Variants in SGPP2 observed in about 807,000 individuals in gnomAD.
The protein encoded by SGPP2 is sphingosine-1-phosphate phosphatase 2, also known as sphingosine 1-phosphate phosphohydrolase 2.
Under a neutral mutation model 33.9 loss-of-function variants are expected in SGPP2, and 30 were observed. That is an observed-to-expected ratio of 0.89 (90% CI 0.66 to 1.20). The LOEUF is 1.20. Among genes scored for constraint, SGPP2 ranks in the 50% most tolerant of loss-of-function variants. SGPP2 has a pLI of 0.00. For missense variants in SGPP2, 458 were observed against 532.1 expected (o/e 0.86, Z 1.37); for synonymous variants, 233 against 225.0 (o/e 1.04, Z -0.32).
intron 4 of SGPP2, among the ~76,000 whole-genome samples, chr2:222,529,377 C>CA (rs1457431101): frequency 1.3e-5 from 2 of 152,038 alleles, no homozygotes; most frequent in Non-Finnish European, 2.9e-5. Context: ...CTCTGTCACC[C>CA]AGGCTGGAGT....
At chr2:222,540,184 A>C (rs1698970778) in intron 4 of SGPP2, among the ~76,000 whole-genome samples, 1 of 152,222 alleles carries the variant, frequency 6.6e-6, no homozygotes, top group East Asian at 1.9e-4. Context: ...TGAAAGTACC[A>C]ACTGACATAT....
chr2:222,466,123 A>G (rs1411435348), intron 1 of SGPP2, among the ~76,000 whole-genome samples: 1 of 152,100 alleles, frequency 6.6e-6, no homozygotes, highest in Non-Finnish European at 1.5e-5. Flanking sequence ...GTGAGACCAT[A>G]TCTCTACTTA....
Position 222,424,653 on chromosome 2 carries a change from C to A in SGPP2, c.51C>A (p.Phe17Leu). 1 of 1,435,548 alleles carries A rather than the reference C, an allele frequency of 7.0e-7. No homozygotes were observed. Among genetic ancestry groups the A allele is most frequent in the Non-Finnish European group, 9.1e-7 (1 of 1,093,310 alleles). The allele number at this position is 1,435,548 out of a possible 1,614,324, so 88.9% of individuals were successfully genotyped here. ...AGGATTCCCAGCTCGTCGCCCGCTT[C>A]CAGCGCCGCTGCGGGCTCTTCCCCG... ...SLQDSQLVAR[F>L]QRRCGLFPAP... Residue 17 changes from phenylalanine to leucine, a missense_variant, in exon 1 of 5, where the codon TTC becomes TTA. Physicochemically the swap from Phe to Leu is conservative, Grantham distance 22. Coordinates refer to ENST00000321276, the MANE Select transcript of SGPP2 (RefSeq NM_152386.4).
At chr2:222,468,562 G>C (rs1012716560) in intron 1 of SGPP2, among the ~76,000 whole-genome samples, 1 of 152,164 alleles carries the variant, frequency 6.6e-6, no homozygotes, top group African/African-American at 2.4e-5. Context: ...CAAAAGCTGG[G>C]CTGGCCGCCA....
intron 2 of SGPP2, among the ~76,000 whole-genome samples, chr2:222,494,459 C>T (rs570388068): frequency 1.3e-5 from 2 of 152,218 alleles, no homozygotes; most frequent in Non-Finnish European, 2.9e-5. Flanking sequence ...ATGAGACTGA[C>T]TAGTCAGGGA....
At chr2:222,516,456 G>C (rs1457178919) in intron 2 of SGPP2, among the ~76,000 whole-genome samples, 1 of 152,096 alleles carries the variant, frequency 6.6e-6, no homozygotes, top group Non-Finnish European at 1.5e-5. Flanking sequence ...CCAGTTTGGG[G>C]CTATTATAAA....
intron 1 of SGPP2, among the ~76,000 whole-genome samples, chr2:222,449,627 G>A (rs981570903): frequency 1.3e-5 from 2 of 152,000 alleles, no homozygotes; most frequent in African/African-American, 2.4e-5. Context: ...CTGCCACCAC[G>A]CCCTGCTAAT....
chr2:222,473,268 T>C (rs1697876337), intron 1 of SGPP2, among the ~76,000 whole-genome samples: 1 of 152,188 alleles, frequency 6.6e-6, no homozygotes, highest in Non-Finnish European at 1.5e-5. Flanking sequence ...AGCTAGGTGG[T>C]ATTTCTTCTG....
Position 222,521,838 on chromosome 2 carries a change from A to G in SGPP2, c.450A>G (p.Val150=), listed in dbSNP as rs3739000. 55,273 of 1,610,062 alleles carry G rather than the reference A, an allele frequency of 0.034. 2,616 individuals are homozygous for G. Among genetic ancestry groups the G allele is most frequent in the African/African-American group, 0.22 (16,710 of 74,370 alleles). ...CCCGTCCCTCCTCCCCTCCAGTTGT[A>G]AAACTGGAAAAGAGACTGATCGCTG... The part of the protein sequence containing the change: ...KWPRPSSPPV[V]KLEKRLIAEY... Residue 150 remains valine (V), a synonymous_variant, in exon 3 of 5, where the codon GTA becomes GTG. Transcript: ENST00000321276.
intron 4 of SGPP2, among the ~76,000 whole-genome samples, chr2:222,529,226 T>G (rs925608880): frequency 2.0e-5 from 3 of 152,222 alleles, no homozygotes; most frequent in African/African-American, 7.2e-5. Flanking sequence ...CTTTCTTTGT[T>G]TATCCATAAA....
At chr2:222,462,096 C>T (rs773760806) in intron 1 of SGPP2, among the ~76,000 whole-genome samples, 4 of 152,178 alleles carry the variant, frequency 2.6e-5, no homozygotes, top group East Asian at 1.9e-4. Flanking sequence ...GGCCTTAAAG[C>T]GTATGCTTGA....
intron 1 of SGPP2, among the ~76,000 whole-genome samples, chr2:222,427,186 T>A (rs1172944289): frequency 6.6e-6 from 1 of 152,260 alleles, no homozygotes; most frequent in Non-Finnish European, 1.5e-5. Flanking sequence ...TATTTTTTTC[T>A]CATAGCCTGG....
chr2:222,444,184 A>T (rs1408385930), intron 1 of SGPP2, among the ~76,000 whole-genome samples: 1 of 152,198 alleles, frequency 6.6e-6, no homozygotes, highest in Non-Finnish European at 1.5e-5. Flanking sequence ...GACCATACAG[A>T]TGGTGCAGAT....
intron 4 of SGPP2, among the ~76,000 whole-genome samples, chr2:222,547,159 G>A (rs183544852): frequency 1.4e-4 from 22 of 152,282 alleles, no homozygotes; most frequent in African/African-American, 4.8e-4. Context: ...AGCGTCCAAC[G>A]TAACTCTTTT....
chr2:222,447,431 C>T (rs1697414511), intron 1 of SGPP2, among the ~76,000 whole-genome samples: 1 of 152,178 alleles, frequency 6.6e-6, no homozygotes, highest in South Asian at 2.1e-4. Context: ...GTCCGGTAAG[C>T]AATTAACAGT....
intron 1 of SGPP2, among the ~76,000 whole-genome samples, chr2:222,463,813 GA>G (rs1220455873): frequency 3.3e-5 from 5 of 152,210 alleles, no homozygotes; most frequent in Admixed American, 6.5e-5. Context: ...GATTATCACA[GA>G]AAAAACTTTA....
intron 2 of SGPP2, among the ~76,000 whole-genome samples, chr2:222,516,825 T>C (rs1229051215): frequency 6.6e-6 from 1 of 152,264 alleles, no homozygotes; most frequent in Non-Finnish European, 1.5e-5. Context: ...TACTGACTAT[T>C]ATAGTAATTT....
intron 4 of SGPP2, among the ~76,000 whole-genome samples, chr2:222,542,100 A>C (rs908383269): frequency 3.3e-5 from 5 of 152,156 alleles, no homozygotes; most frequent in African/African-American, 1.2e-4. Flanking sequence ...GCATCTCCCC[A>C]AAGGTACCCG....
At chr2:222,548,072 G>A (rs2106153466) in intron 4 of SGPP2, among the ~76,000 whole-genome samples, 1 of 152,272 alleles carries the variant, frequency 6.6e-6, no homozygotes, top group South Asian at 2.1e-4. Context: ...TGTAACCTTT[G>A]TAGGTTTCAT....
Sources: allele counts gnomAD v4.1 joint callset (sites outside exome capture counted in the v4.1 genomes callset), GRCh38; gene constraint gnomAD v4.1.1; transcripts MANE v1.5; gene names NCBI Gene and HGNC (gene_info 2026-07-23, HGNC 2026-07-21).